ZDHHC5: variants seen among roughly 807,000 people sequenced by gnomAD.
ZDHHC5 encodes zDHHC palmitoyltransferase 5.
ZDHHC5 carries 22 observed loss-of-function variants against 70.0 expected under a neutral mutation model. That is an observed-to-expected ratio of 0.31 (90% CI 0.22 to 0.45). The LOEUF is 0.45. ZDHHC5 is among the 20% of genes least tolerant of loss of function. ZDHHC5 has a pLI of 1.00. For synonymous variants in ZDHHC5, 313 were observed against 347.8 expected, an observed-to-expected ratio of 0.90 and a Z score of 1.11; for missense variants, 746 against 926.9, an observed-to-expected ratio of 0.80 and a Z score of 2.53.
chr11:57,689,138 C>T (rs1021860398), intron 4 of ZDHHC5, among the ~76,000 whole-genome samples: 2 of 152,258 alleles, frequency 1.3e-5, no homozygotes, highest in Non-Finnish European at 2.9e-5. Flanking sequence ...TCCAGAAAAT[C>T]ATGCTGTTGT....
In ZDHHC5 at chr11:57,700,293, T is replaced by C. The variant is rs1215942473; in HGVS notation, c.*262T>C. 2 of 344,396 alleles carry C rather than the reference T, an allele frequency of 5.8e-6. No homozygotes were observed. The highest frequency in any genetic ancestry group is 9.9e-5 in the East Asian group (2 of 20,252). 21.3% of individuals were successfully genotyped at this position (344,396 alleles called of 1,614,324 possible). A position where few individuals can be genotyped will look rare whatever the true frequency, so the allele number is the denominator to read the frequency against. ...TCCCTGGACCAGACTCAGTGGACAT[T>C]TGTGCAATTGCTCGCCCTGGAGGGA... On this transcript the variant is annotated 3_prime_UTR_variant, in exon 12 of 12. Transcript: ENST00000287169.
rs1783978 is a variant in ZDHHC5, at chr11:57,696,028, T to C, written c.994T>C (p.Leu332=). 0.58 allele frequency: 929,498 copies of C among 1,611,738 alleles called. 272,203 individuals carry two copies. Among genetic ancestry groups the C allele is most frequent in the East Asian group, 0.9 (40,240 of 44,832 alleles). The change falls in exon 9 of 12, where the codon TTG becomes CTG. Residue 332 remains leucine (L), a synonymous_variant. Transcript: ENST00000287169. Reference sequence around the variant, plus strand: ...CACAGGGTTGCGAACACACCTCGGCTTGGCTACTAATGAGGGTAAGGGCTG... The same window carrying C: ...CACAGGGTTGCGAACACACCTCGGCCTGGCTACTAATGAGGGTAAGGGCTG... ...RYTGLRTHLG[L]ATNEDSSLLA...
intron 3 of ZDHHC5, among the ~76,000 whole-genome samples, chr11:57,685,579 GT>G (rs746168933): frequency 6.6e-6 from 1 of 152,324 alleles, no homozygotes; most frequent in South Asian, 2.1e-4. Context: ...AACCTGGGAG[GT>G]GGAGGTTGTG....
intron 2 of ZDHHC5, among the ~76,000 whole-genome samples, chr11:57,678,042 AG>A (rs1252244939): frequency 6.6e-6 from 1 of 152,244 alleles, no homozygotes; most frequent in African/African-American, 2.4e-5. Flanking sequence ...CCCCATGGGC[AG>A]GAAGTGGAAC....
intron 2 of ZDHHC5, among the ~76,000 whole-genome samples, chr11:57,680,493 ATTTC>A (rs981792338): frequency 1.3e-5 from 2 of 152,226 alleles, no homozygotes; most frequent in African/African-American, 4.8e-5. Flanking sequence ...TAAGGTGAAT[ATTTC>A]TTTCAGAAGC....
chr11:57,676,059 C>A (rs1200860169), intron 2 of ZDHHC5, among the ~76,000 whole-genome samples: 1 of 152,160 alleles, frequency 6.6e-6, no homozygotes, highest in Middle Eastern at 3.2e-3. Flanking sequence ...TAGAGGAATG[C>A]GAGTAGGAGG....
Position 57,673,054 on chromosome 11 carries a change from C to G in ZDHHC5, c.-37C>G. 1 of 1,600,572 alleles carries G rather than the reference C, an allele frequency of 6.2e-7. No individual in the cohort carries two copies. Among genetic ancestry groups the G allele is most frequent in the Non-Finnish European group, 8.6e-7 (1 of 1,167,922 alleles). On this transcript the variant is annotated 5_prime_UTR_variant, in exon 2 of 12. Coordinates refer to ENST00000287169, the MANE Select transcript of ZDHHC5 (RefSeq NM_015457.3). ...TGTTCTGCCGCTGTGTGGGCCTGGG[C>G]TATGCGGCAGGGCAGATTTCCCATC... is the stretch of plus-strand genomic sequence containing the variant.
chr11:57,688,453 A>G (rs968183765), intron 3 of ZDHHC5, 55 bp from the exon 4 acceptor site: 18 of 1,474,406 alleles, frequency 1.2e-5, no homozygotes, highest in Non-Finnish European at 1.6e-5. Context: ...TTGAATCCCT[A>G]GCACTTACTA....
At position 57,682,486 on chromosome 11, in the gene ZDHHC5, T is replaced by C; in HGVS notation, c.169T>C (p.Phe57Leu). 6.2e-7 allele frequency: 1 copy of C among 1,614,194 alleles called. No homozygotes were observed. Among genetic ancestry groups the C allele is most frequent in the Non-Finnish European group, 8.5e-7 (1 of 1,180,044 alleles). Residue 57 changes from phenylalanine (F) to leucine (L), a missense_variant, in exon 3 of 12, where the codon TTT becomes CTT. Phe to Leu is a conservative substitution (Grantham distance 22). Coordinates refer to ENST00000287169, the MANE Select transcript of ZDHHC5 (RefSeq NM_015457.3). ...CATCTACAATGCAATTATGTTTCTC[T>C]TTGTGTTGGCCAACTTCAGCATGGC... ...VPIYNAIMFLFVLANFSMATF... is the reference protein window; with the variant it reads ...VPIYNAIMFLLVLANFSMATF...
rs775158676 is a variant in ZDHHC5 at position 57,699,467 on chromosome 11, C to G, written c.1982+49C>G. 6 of 1,514,956 alleles carry G rather than the reference C, an allele frequency of 4.0e-6. No homozygotes were observed. In the African/African-American group the frequency reaches 8.3e-5, roughly 21 times the overall value. 93.8% of individuals were successfully genotyped at this position (1,514,956 alleles called of 1,614,324 possible). The stretch of plus-strand genomic sequence containing the variant: ...CCTTAGCCAATTTCAAATTAGCATA[C>G]TGCTCTGCAAAAGCTATCAGGGCTT... On this transcript the variant is annotated intron_variant, in intron 11 of 11. Coordinates refer to ENST00000287169, the MANE Select transcript of ZDHHC5 (RefSeq NM_015457.3).
At chr11:57,682,593 A>G (rs779775780) in intron 3 of ZDHHC5, 50 bp downstream of exon 3, 1 of 1,595,592 alleles carries the variant, frequency 6.3e-7, no homozygotes, top group African/African-American at 1.3e-5. Flanking sequence ...TTTGAAAAAT[A>G]ATGAGTTGGC....
At chr11:57,696,688 T>C in intron 9 of ZDHHC5, 73 bp from the exon 10 acceptor site, 3 of 1,349,658 alleles carry the variant, frequency 2.2e-6, no homozygotes, top group East Asian at 2.4e-5. Context: ...GCTTGGACAG[T>C]AGAGTGAGAC....
At chr11:57,674,731 G>A (rs1308017253) in intron 2 of ZDHHC5, among the ~76,000 whole-genome samples, 1 of 152,184 alleles carries the variant, frequency 6.6e-6, no homozygotes, top group Admixed American at 6.5e-5. Context: ...GGGTCACATT[G>A]TCTAAAGAGT....
chr11:57,672,218 T>G lies in ZDHHC5; in HGVS notation c.-873T>G, dbSNP rs1946015312. On this transcript the variant is annotated 5_prime_UTR_variant, in exon 2 of 12. In the 5' UTR this introduces an upstream ATG that the reference lacks. Coordinates refer to ENST00000287169, the MANE Select transcript of ZDHHC5 (RefSeq NM_015457.3). ...TTGGGAAGAACATGGCTTCAAGGAT[T>G]TTAAGTTTCCCTTTAGTTTTACATG... 2.5e-6 allele frequency: 1 copy of G among 398,620 alleles called. No homozygotes were observed. Among genetic ancestry groups the G allele is most frequent in the Non-Finnish European group, 4.4e-6 (1 of 226,052 alleles). The allele number at this position is 398,620 out of a possible 1,614,324, so 24.7% of individuals were successfully genotyped here.
intron 7 of ZDHHC5, 138 bp downstream of exon 7, chr11:57,692,840 T>A: frequency 5.0e-6 from 4 of 797,204 alleles, no homozygotes; most frequent in African/African-American, 1.7e-5. Context: ...ACCCACTCTA[T>A]CTTAGAATGG....
chr11:57,668,307 C>T (rs1228460046), intron 1 of ZDHHC5, 120 bp downstream of exon 1: 4 of 254,942 alleles, frequency 1.6e-5, no homozygotes, highest in Admixed American at 1.1e-4. Context: ...GGCCCTATTT[C>T]TCCTCCGGGC....
chr11:57,677,487 A>G (rs1040246557), intron 2 of ZDHHC5, among the ~76,000 whole-genome samples: 9 of 151,958 alleles, frequency 5.9e-5, no homozygotes, highest in Admixed American at 2.6e-4. Context: ...GGGTTTCACC[A>G]TAATGGCCAG....
rs372245069 is a variant in ZDHHC5, at chr11:57,698,626, G to A, written c.1190G>A (p.Arg397His). 3.5e-5 allele frequency: 56 copies of A among 1,613,918 alleles called. No individual in the cohort carries two copies. Among genetic ancestry groups the A allele is most frequent in the African/African-American group, 5.3e-5 (4 of 74,898 alleles). ...GAGAGCAGCCGTCACCCCAGCTACC[G>A]CTCAGAGCCCAGCTTGGAACCAGAG... ...IAESSRHPSY[R>H]SEPSLEPESF... is the part of the protein sequence containing the mutation. The change falls in exon 11 of 12, where the codon CGC (arginine) becomes CAC (histidine). Residue 397 changes from arginine to histidine, a missense_variant. Around this residue, in one of 6 missense-constraint regions of ZDHHC5, gnomAD observed 179 missense variants for 178.4 expected, o/e 1.00. Transcript: ENST00000287169.
intron 1 of ZDHHC5, among the ~76,000 whole-genome samples, chr11:57,670,798 A>G (rs960672664): frequency 1.3e-5 from 2 of 148,622 alleles, no homozygotes; most frequent in Admixed American, 1.4e-4. Context: ...GCACATTTAT[A>G]TTTTGTTATC....
Sources: gnomAD v4.1 joint callset for allele counts (sites outside exome capture counted in the v4.1 genomes callset) on GRCh38, gnomAD v4.1.1 for gene constraint, gnomAD v4.1.1 regional missense constraint, MANE v1.5 for transcripts, NCBI Gene and HGNC (gene_info 2026-07-23, HGNC 2026-07-21) for gene names.